Variants in SLCO3A1 observed in about 807,000 individuals in gnomAD.
The protein encoded by SLCO3A1 is solute carrier organic anion transporter family member 3A1.
In SLCO3A1, 27 loss-of-function variants were observed where a neutral mutation model predicts 63.1. The observed-to-expected ratio is 0.43, with a 90% CI of 0.32 to 0.59. The LOEUF (loss-of-function observed/expected upper bound fraction) is 0.59, where lower values mean the gene tolerates loss of function less well. SLCO3A1 is among the 20% of genes least tolerant of loss of function. The probability of loss-of-function intolerance (pLI) is 0.09; values close to 1 mark genes in which losing one functional copy is unlikely to be tolerated. For synonymous variants in SLCO3A1, 473 were observed against 409.9 expected (o/e 1.15, Z -1.86); for missense variants, 773 against 945.8 (o/e 0.82, Z 2.40).
chr15:91,991,089 GC>G (rs2151444112), intron 2 of SLCO3A1, among the ~76,000 whole-genome samples: 1 of 152,270 alleles, frequency 6.6e-6, no homozygotes, highest in African/African-American at 2.4e-5. Flanking sequence ...CCTGATTTTG[GC>G]CAAGTGCAAT....
intron 9 of SLCO3A1, among the ~76,000 whole-genome samples, chr15:92,160,637 G>C (rs1004738402): frequency 1.3e-5 from 2 of 152,144 alleles, no homozygotes; most frequent in Non-Finnish European, 2.9e-5. Flanking sequence ...AATCTTCTCC[G>C]GGGCTTCTCT....
At chr15:92,049,486 G>A (rs571981798) in intron 2 of SLCO3A1, among the ~76,000 whole-genome samples, 20 of 152,238 alleles carry the variant, frequency 1.3e-4, no homozygotes, top group South Asian at 1.0e-3. Context: ...CCATGGCAAC[G>A]GAGGCCAATT....
chr15:91,875,923 A>C lies in SLCO3A1; in HGVS notation c.180+21835A>C, dbSNP rs901355164. Among the ~76,000 whole-genome samples, 1 of 152,198 alleles carries C rather than the reference A, an allele frequency of 6.6e-6. No homozygotes were observed. Among genetic ancestry groups the C allele is most frequent in the Non-Finnish European group, 1.5e-5 (1 of 68,032 alleles). ...GCCTGCAAAGCCTAAAATAGCTGCT[A>C]TCTGGCCTTTACAGAAAAGGTTTGC... is the stretch of plus-strand genomic sequence containing the variant. On this transcript the variant is annotated intron_variant, in intron 1 of 9. Transcript: ENST00000318445. This position sits in a 1 kb window ranked among gnomAD's most constrained non-coding sequence, Gnocchi z 4.5.
intron 2 of SLCO3A1, among the ~76,000 whole-genome samples, chr15:92,042,238 A>C (rs1027969523): frequency 6.6e-6 from 1 of 152,200 alleles, no homozygotes; most frequent in African/African-American, 2.4e-5. Flanking sequence ...ACATTCACAC[A>C]GTGTCAGAAG....
At position 91,916,525 on chromosome 15, in the gene SLCO3A1, G is replaced by T; in HGVS notation, c.646+67G>T. On this transcript the variant is annotated intron_variant, in intron 2 of 9. Transcript: ENST00000318445. This position sits in a 1 kb window ranked among gnomAD's most constrained non-coding sequence, Gnocchi z 6.2. ...GTTGACCATGGATAAAAGGTGGCCTGGTGGACTTTGATTTTGCCAGAGTAC... is the reference window on the plus strand; with the variant it reads ...GTTGACCATGGATAAAAGGTGGCCTTGTGGACTTTGATTTTGCCAGAGTAC... 1 of 1,241,306 alleles carries T rather than the reference G, an allele frequency of 8.1e-7. No homozygotes were observed. The highest frequency in any genetic ancestry group is 1.4e-5 in the South Asian group (1 of 71,104). 76.9% of individuals were successfully genotyped at this position (1,241,306 alleles called of 1,614,324 possible).
At chr15:92,106,762 A>G (rs902479820) in intron 4 of SLCO3A1, among the ~76,000 whole-genome samples, 2 of 152,226 alleles carry the variant, frequency 1.3e-5, no homozygotes, top group East Asian at 3.8e-4. Flanking sequence ...CGCAATAACA[A>G]GCAGCACAGG....
chr15:92,171,034 G>T (rs1360652243), intron 10 of SLCO3A1: 1 of 152,178 alleles, frequency 6.6e-6, no homozygotes, highest in Non-Finnish European at 1.5e-5. Flanking sequence ...CCGAGGAAAG[G>T]AATGACATTT....
chr15:91,919,984 A>G lies in SLCO3A1; in HGVS notation c.646+3526A>G, dbSNP rs527776179. 3.9e-5 allele frequency among the ~76,000 whole-genome samples: 6 copies of G among 152,266 alleles called. No individual in the cohort carries two copies. In the South Asian group the frequency reaches 1.2e-3, roughly 32 times the overall value. Reference sequence around the variant, plus strand: ...GTTCAAGATAAATGATGTTTTGTGTAATTTCATTTCTCTTACTATTTCATG... The same window carrying G: ...GTTCAAGATAAATGATGTTTTGTGTGATTTCATTTCTCTTACTATTTCATG... On this transcript the variant is annotated intron_variant, in intron 2 of 9. Coordinates refer to ENST00000318445, the MANE Select transcript of SLCO3A1 (RefSeq NM_013272.4).
intron 1 of SLCO3A1, among the ~76,000 whole-genome samples, chr15:91,914,817 C>A (rs1478904079): frequency 1.3e-5 from 2 of 152,132 alleles, no homozygotes; most frequent in East Asian, 3.9e-4. Flanking sequence ...AGTGACCTGC[C>A]CACCTCGGCC....
chr15:92,017,295 T>A (rs1485590635), intron 2 of SLCO3A1, among the ~76,000 whole-genome samples: 1 of 145,724 alleles, frequency 6.9e-6, no homozygotes, highest in Non-Finnish European at 1.5e-5. Context: ...TGGGGGGGGG[T>A]AGGGAAAGAG....
At chr15:92,091,978 C>A (rs2047483200) in intron 2 of SLCO3A1, among the ~76,000 whole-genome samples, 1 of 152,196 alleles carries the variant, frequency 6.6e-6, no homozygotes, top group Non-Finnish European at 1.5e-5. Context: ...CACAGCAGGC[C>A]ACTGCTGTTC....
chr15:91,934,472 A>G (rs1328248254), intron 2 of SLCO3A1, among the ~76,000 whole-genome samples: 1 of 152,200 alleles, frequency 6.6e-6, no homozygotes, highest in Non-Finnish European at 1.5e-5. Flanking sequence ...AATAAAGGGA[A>G]AAGCGGGTGC....
intron 2 of SLCO3A1, among the ~76,000 whole-genome samples, chr15:92,081,995 A>G (rs1230210086): frequency 1.3e-5 from 2 of 152,170 alleles, no homozygotes; most frequent in Non-Finnish European, 2.9e-5. Context: ...TACTGTGTGG[A>G]TTTGGTAACA....
Position 91,853,809 on chromosome 15 carries a change from C to T in SLCO3A1, c.-100C>T. The T allele has an allele frequency of 9.2e-7, 1 of 1,091,406 alleles. No individual in the cohort carries two copies. The allele number at this position is 1,091,406 out of a possible 1,614,324, so 67.6% of individuals were successfully genotyped here. A position where few individuals can be genotyped will look rare whatever the true frequency, so the allele number is the denominator to read the frequency against. On this transcript the variant is annotated 5_prime_UTR_variant, in exon 1 of 10. It adds an upstream start codon to the 5' untranslated region. Coordinates refer to ENST00000318445, the MANE Select transcript of SLCO3A1 (RefSeq NM_013272.4). Reference sequence around the variant, plus strand: ...CCGCGAACCCGGGGCGGGGACAGCACGCAGCCTCGAGGCGCGCACCCCCGC... The same window carrying T: ...CCGCGAACCCGGGGCGGGGACAGCATGCAGCCTCGAGGCGCGCACCCCCGC...
At chr15:92,051,544 A>G (rs1011397500) in intron 2 of SLCO3A1, among the ~76,000 whole-genome samples, 12 of 152,082 alleles carry the variant, frequency 7.9e-5, no homozygotes, top group Non-Finnish European at 1.5e-4. Context: ...TTTTATTCCA[A>G]TTTTATTAGG....
intron 10 of SLCO3A1, chr15:92,170,987 C>G (rs918005948): frequency 6.6e-6 from 1 of 152,176 alleles, no homozygotes; most frequent in Non-Finnish European, 1.5e-5. Context: ...GAAGGATGCT[C>G]GAACTTGCCC....
chr15:92,009,820 T>C lies in SLCO3A1; in HGVS notation c.647-85061T>C, dbSNP rs550134189. On this transcript the variant is annotated intron_variant, in intron 2 of 9. Coordinates refer to ENST00000318445, the MANE Select transcript of SLCO3A1 (RefSeq NM_013272.4). ...CAATACAAAGCTTGTCCCACAGATG[T>C]TTCTTTCCTGAAGTCCTTTCTGTTT... Among the ~76,000 whole-genome samples, 21 of 152,338 alleles carry C rather than the reference T, an allele frequency of 1.4e-4. No homozygotes were observed. The South Asian group carries it at 4.4e-3, about 32-fold the overall frequency.
intron 4 of SLCO3A1, among the ~76,000 whole-genome samples, chr15:92,115,830 A>AAAG: frequency 6.6e-6 from 1 of 151,318 alleles, no homozygotes; most frequent in East Asian, 1.9e-4. Flanking sequence ...AAAAAAAAAA[A>AAAG]AAAAAAAATG....
chr15:92,089,613 G>C (rs1425212782), intron 2 of SLCO3A1, among the ~76,000 whole-genome samples: 1 of 152,190 alleles, frequency 6.6e-6, no homozygotes, highest in African/African-American at 2.4e-5. Context: ...GTGGTGGAAA[G>C]TCTTTCTAAT....
Sources: allele counts gnomAD v4.1 joint callset (sites outside exome capture counted in the v4.1 genomes callset), GRCh38; gene constraint gnomAD v4.1.1; non-coding constraint Gnocchi (gnomAD v3.1); transcripts MANE v1.5; gene names NCBI Gene and HGNC (gene_info 2026-07-23, HGNC 2026-07-21).